PIK3R6: variants seen among roughly 807,000 people sequenced by gnomAD.
PIK3R6 encodes the protein phosphoinositide 3-kinase regulatory subunit 6.
Under a neutral mutation model 84.9 loss-of-function variants are expected in PIK3R6, and 91 were observed. The ratio of observed to expected loss-of-function variants is 1.07; its 90% CI spans 0.90 to 1.28. The LOEUF (loss-of-function observed/expected upper bound fraction) is 1.28, where lower values mean the gene tolerates loss of function less well. Among genes scored for constraint, PIK3R6 ranks in the 50% most tolerant of loss-of-function variants. The pLI, the probability that PIK3R6 is intolerant of heterozygous loss-of-function variation, is 0.00. For synonymous variants in PIK3R6, 416 were observed against 411.4 expected (o/e 1.01, Z -0.13); for missense variants, 996 against 985.1 (o/e 1.01, Z -0.15).
At chr17:8,831,991 G>A (rs2151251379) in intron 9 of PIK3R6, among the ~76,000 whole-genome samples, 1 of 152,304 alleles carries the variant, frequency 6.6e-6, no homozygotes, top group Non-Finnish European at 1.5e-5. Flanking sequence ...CAAATAGGAA[G>A]GGTGAGGAAT....
intron 9 of PIK3R6, among the ~76,000 whole-genome samples, chr17:8,832,237 A>G (rs190544571): frequency 2.0e-5 from 3 of 152,328 alleles, no homozygotes; most frequent in Non-Finnish European, 2.9e-5. Flanking sequence ...TCTGCTTATA[A>G]GTTGACTGTG....
chr17:8,848,657 T>C (rs1171540694), intron 2 of PIK3R6, among the ~76,000 whole-genome samples: 1 of 152,174 alleles, frequency 6.6e-6, no homozygotes, highest in Non-Finnish European at 1.5e-5. Context: ...ACCAAAACAT[T>C]GCCAATATGC....
chr17:8,867,079 A>C (rs2089429235), intron 1 of PIK3R6, among the ~76,000 whole-genome samples: 1 of 152,180 alleles, frequency 6.6e-6, no homozygotes, highest in Non-Finnish European at 1.5e-5. Context: ...CCCACTCTGC[A>C]ATCTTTGGCA....
intron 13 of PIK3R6, among the ~76,000 whole-genome samples, chr17:8,824,987 G>A (rs79462868): frequency 1.3e-5 from 2 of 152,118 alleles, no homozygotes; most frequent in African/African-American, 2.4e-5. Context: ...ATTTTTTACC[G>A]CAGTTTTTAA....
rs544918511 is a variant in PIK3R6, at chr17:8,804,063, G to T, written c.2086C>A (p.Arg696Ser). 1.2e-6 allele frequency: 2 copies of T among 1,613,966 alleles called. No individual in the cohort carries two copies. Among genetic ancestry groups the T allele is most frequent in the Non-Finnish European group, 8.5e-7 (1 of 1,179,828 alleles). ...LTLSLDKDDQ[R>S]TFRDVVRFEV... is the part of the protein sequence containing the mutation. ...CACCTGACCACATCCCTGAAAGTGC[G>T]TTGATCGTCCTTGTCCAGCGACAGT... Residue 696 changes from arginine to serine, a missense_variant, in exon 19 of 20, where the codon CGC (arginine) becomes AGC (serine). Arg to Ser is a moderately radical substitution (Grantham distance 110, BLOSUM62 -1). Transcript: ENST00000619866.
intron 1 of PIK3R6, among the ~76,000 whole-genome samples, chr17:8,857,464 CT>C (rs2089169029): frequency 1.1e-5 from 1 of 88,270 alleles, no homozygotes; most frequent in Admixed American, 1.3e-4. Context: ...CAGAACCCCC[CT>C]CTGTCTTTGT....
At chr17:8,814,856 C>A (rs1176691783) in intron 18 of PIK3R6, among the ~76,000 whole-genome samples, 1 of 152,064 alleles carries the variant, frequency 6.6e-6, no homozygotes, top group East Asian at 1.9e-4. Context: ...AAAGATCCCA[C>A]CAAGGTATAT....
At chr17:8,850,675 A>G (rs966112161) in intron 1 of PIK3R6, among the ~76,000 whole-genome samples, 5 of 152,232 alleles carry the variant, frequency 3.3e-5, no homozygotes, top group Admixed American at 3.3e-4. Context: ...AACTCCAAAT[A>G]AACCTAAGAG....
At chr17:8,837,779 C>T in intron 5 of PIK3R6, 24 bp downstream of exon 5, 1 of 1,602,432 alleles carries the variant, frequency 6.2e-7, no homozygotes, top group South Asian at 1.1e-5. Context: ...ACCACTACCA[C>T]CTCGACCTCA....
intron 18 of PIK3R6, among the ~76,000 whole-genome samples, chr17:8,816,342 G>A (rs2087539540): frequency 6.6e-6 from 1 of 152,158 alleles, no homozygotes; most frequent in Non-Finnish European, 1.5e-5. Flanking sequence ...AATGTGATAA[G>A]AGAGCATTGT....
At position 8,814,215 on chromosome 17, in the gene PIK3R6, C is replaced by CTTTTTTTTTTTTTTTT. The variant is rs112750429; in HGVS notation, c.1995+4852_1995+4867dup. On this transcript the variant is annotated intron_variant, in intron 18 of 19. Transcript: ENST00000619866. ...TCCACTCTTTAGTTCAGAGAGAGAT[C>CTTTTTTTTTTTTTTTT]TTTTTTTTTTTTTTTTTTTTTTGAG... Among the ~76,000 whole-genome samples the CTTTTTTTTTTTTTTTT allele has an allele frequency of 2.5e-3, 213 of 85,500 alleles. 19 individuals are homozygous for CTTTTTTTTTTTTTTTT. Among genetic ancestry groups the CTTTTTTTTTTTTTTTT allele is most frequent in the African/African-American group, 7.7e-3 (159 of 20,588 alleles). The allele number at this position is 85,500 out of a possible 152,430, so 56.1% of individuals were successfully genotyped here.
chr17:8,849,440 G>A (rs926084010), intron 2 of PIK3R6, among the ~76,000 whole-genome samples: 1 of 152,178 alleles, frequency 6.6e-6, no homozygotes, highest in Non-Finnish European at 1.5e-5. Context: ...GACTAAATGA[G>A]TTCATATTTG....
Position 8,803,310 on chromosome 17 carries a change from A to G in PIK3R6, c.2228T>C (p.Leu743Pro), listed in dbSNP as rs957121438. Reference protein sequence around the residue: ...EAIKAKPKPLLMPINTFSGIV... With the variant: ...EAIKAKPKPLPMPINTFSGIV... ...ACCAGAGAATGTGTTGATGGGCATC[A>G]GAAGGGGCTTGGGCTTGGCTTTGAT... is the stretch of plus-strand genomic sequence containing the variant. Residue 743 changes from leucine to proline, a missense_variant, in exon 20 of 20, where the codon CTG (leucine) becomes CCG (proline). Physicochemically the swap from Leu to Pro is moderately conservative, Grantham distance 98. Transcript: ENST00000619866. This position sits in a 1 kb window ranked among gnomAD's most constrained non-coding sequence, Gnocchi z 5.0. The G allele has an allele frequency of 6.2e-7, 1 of 1,613,010 alleles. No homozygotes were observed. The highest frequency in any genetic ancestry group is 8.5e-7 in the Non-Finnish European group (1 of 1,179,782).
At chr17:8,852,475 C>T (rs1392456527) in intron 1 of PIK3R6, among the ~76,000 whole-genome samples, 2 of 152,076 alleles carry the variant, frequency 1.3e-5, no homozygotes, top group Admixed American at 6.5e-5. Context: ...TGCGGTGGCT[C>T]ACACCTGTAA....
intron 1 of PIK3R6, among the ~76,000 whole-genome samples, chr17:8,859,170 T>C (rs1354454931): frequency 2.0e-5 from 3 of 152,208 alleles, no homozygotes; most frequent in Non-Finnish European, 4.4e-5. Flanking sequence ...GTCTTCTGAG[T>C]TCCTGGCAGT....
chr17:8,828,816 G>A lies in PIK3R6; in HGVS notation c.1064C>T (p.Ala355Val). Residue 355 changes from alanine to valine, a missense_variant, in exon 11 of 20, where the codon GCA (alanine) becomes GTA (valine). Physicochemically the swap from Ala to Val is moderately conservative, Grantham distance 64 (BLOSUM62 0). Transcript: ENST00000619866. ...DLPTGADELP[A>V]PGSPEMERAG... ...TCGCTCCATCTCAGGGCTGCCGGGT[G>A]CAGGCAGCTCATCAGCCCCCGTGGG... The A allele has an allele frequency of 1.3e-6, 2 of 1,590,274 alleles. No individual in the cohort carries two copies. Among genetic ancestry groups the A allele is most frequent in the Non-Finnish European group, 1.7e-6 (2 of 1,166,828 alleles).
At chr17:8,841,349 T>C (rs1283195505) in intron 2 of PIK3R6, among the ~76,000 whole-genome samples, 1 of 152,184 alleles carries the variant, frequency 6.6e-6, no homozygotes, top group Non-Finnish European at 1.5e-5. Context: ...CCATCCCAGT[T>C]TTAGCAAGAA....
chr17:8,841,369 A>G (rs902880151), intron 2 of PIK3R6, among the ~76,000 whole-genome samples: 1 of 152,126 alleles, frequency 6.6e-6, no homozygotes, highest in Non-Finnish European at 1.5e-5. Context: ...ATCCTGCCAA[A>G]TCAGTTTAGG....
At chr17:8,838,483 G>A (rs764650360) in intron 4 of PIK3R6, 81 bp downstream of exon 4, 17 of 1,279,918 alleles carry the variant, frequency 1.3e-5, no homozygotes, top group South Asian at 7.8e-5. Flanking sequence ...GAGATATAGC[G>A]CTGCCAGGAC....
Sources: allele counts gnomAD v4.1 joint callset (sites outside exome capture counted in the v4.1 genomes callset), GRCh38; gene constraint gnomAD v4.1.1; non-coding constraint Gnocchi (gnomAD v3.1); transcripts MANE v1.5; gene names NCBI Gene and HGNC (gene_info 2026-07-23, HGNC 2026-07-21).